The following OXR1 variants were observed in gnomAD, a reference collection of about 807,000 sequenced individuals.
OXR1 encodes oxidation resistance 1, also known as oxidation resistance protein 1.
OXR1 carries 41 observed loss-of-function variants against 104.6 expected under a neutral mutation model. That is an observed-to-expected ratio of 0.39 (90% CI 0.31 to 0.51). The LOEUF (loss-of-function observed/expected upper bound fraction) is 0.51, where lower values mean the gene tolerates loss of function less well. OXR1 is among the 20% of genes least tolerant of loss of function. The pLI is 0.77. For missense variants in OXR1, 955 were observed against 1,031.9 expected, an observed-to-expected ratio of 0.93 and a Z score of 1.02; for synonymous variants, 348 against 348.4, an observed-to-expected ratio of 1.00 and a Z score of 0.01.
intron 2 of OXR1, among the ~76,000 whole-genome samples, chr8:106,447,403 G>A (rs1368030577): frequency 3.9e-5 from 6 of 152,138 alleles, no homozygotes; most frequent in African/African-American, 1.4e-4. Context: ...GTTCTTACAG[G>A]ACAAAATTCA....
chr8:106,387,258 AG>A (rs1817414536), intron 2 of OXR1, among the ~76,000 whole-genome samples: 1 of 152,254 alleles, frequency 6.6e-6, no homozygotes, highest in African/African-American at 2.4e-5. Context: ...TGCAAATATC[AG>A]GGAATGCAGG....
At chr8:106,542,794 A>C (rs1020491246) in intron 3 of OXR1, among the ~76,000 whole-genome samples, 3 of 152,134 alleles carry the variant, frequency 2.0e-5, no homozygotes, top group African/African-American at 7.2e-5. Flanking sequence ...GAGAAGAAAA[A>C]AAATTAATAT....
rs771744976 is a variant in OXR1 at position 106,488,839 on chromosome 8, G to T, written c.24-30104G>T. On this transcript the variant is annotated intron_variant, in intron 2 of 16. Coordinates refer to ENST00000517566, the MANE Select transcript of OXR1 (RefSeq NM_001198533.2). ...TTGGTTACTGTAGCCTTGTAGTATA[G>T]TTTGAAGTCAGGTAGTGTGATACCT... Among the ~76,000 whole-genome samples the T allele has an allele frequency of 1.2e-3, 179 of 150,648 alleles. 1 individual carries two copies. The highest frequency in any genetic ancestry group is 4.2e-3 in the African/African-American group (169 of 40,694).
chr8:106,314,176 C>T (rs1383780682), intron 1 of OXR1, among the ~76,000 whole-genome samples: 1 of 152,064 alleles, frequency 6.6e-6, no homozygotes, highest in Admixed American at 6.6e-5. Flanking sequence ...TGCAGGGACC[C>T]TTTTTTCCTC....
At chr8:106,360,118 C>T (rs1235103354) in intron 2 of OXR1, among the ~76,000 whole-genome samples, 2 of 152,048 alleles carry the variant, frequency 1.3e-5, no homozygotes, top group African/African-American at 2.4e-5. Flanking sequence ...TATAGATGCA[C>T]ATCTCTAAAT....
intron 2 of OXR1, among the ~76,000 whole-genome samples, chr8:106,448,419 A>G (rs970687592): frequency 3.9e-5 from 6 of 152,212 alleles, no homozygotes; most frequent in African/African-American, 1.2e-4. Flanking sequence ...TGTTTGGTGT[A>G]AGCGGTTTTA....
At chr8:106,355,715 A>T (rs962630451) in intron 1 of OXR1, among the ~76,000 whole-genome samples, 3 of 151,232 alleles carry the variant, frequency 2.0e-5, no homozygotes, top group Admixed American at 1.3e-4. Context: ...TCTTTTTTTT[A>T]ATTTTTGGTG....
intron 6 of OXR1, among the ~76,000 whole-genome samples, chr8:106,684,836 GA>G (rs1828535419): frequency 6.6e-6 from 1 of 152,072 alleles, no homozygotes; most frequent in Non-Finnish European, 1.5e-5. Context: ...CATTTCTAAG[GA>G]ATGAGTGTTC....
intron 2 of OXR1, among the ~76,000 whole-genome samples, chr8:106,433,088 C>G (rs1427952593): frequency 6.6e-6 from 1 of 152,120 alleles, no homozygotes; most frequent in Admixed American, 6.6e-5. Context: ...GTGCGCGAGA[C>G]CGGAGTTTTA....
chr8:106,419,835 G>A (rs1271535235), intron 2 of OXR1, among the ~76,000 whole-genome samples: 1 of 152,088 alleles, frequency 6.6e-6, no homozygotes, highest in Non-Finnish European at 1.5e-5. Flanking sequence ...AAACACTATG[G>A]AAATCAACAT....
At chr8:106,428,803 A>G (rs902579213) in intron 2 of OXR1, among the ~76,000 whole-genome samples, 1 of 152,004 alleles carries the variant, frequency 6.6e-6, no homozygotes, top group African/African-American at 2.4e-5. Context: ...ACAACTTAGC[A>G]CGTACCGAGG....
chr8:106,358,095 C>T (rs187626966), intron 1 of OXR1, among the ~76,000 whole-genome samples: 37 of 152,298 alleles, frequency 2.4e-4, no homozygotes, highest in Non-Finnish European at 4.9e-4. Flanking sequence ...AGGAAGCATC[C>T]TTCTTTTCTT....
Position 106,332,626 on chromosome 8 carries a change from T to A in OXR1, c.-138-26850T>A, listed in dbSNP as rs186612589. On this transcript the variant is annotated intron_variant, in intron 1 of 16. Transcript: ENST00000517566. ...GAAATATAATATACATATCATAAAA[T>A]TCACCCTTATAAAGTGATTTCTTTA... Among the ~76,000 whole-genome samples, 1,241 of 152,250 alleles carry A rather than the reference T, an allele frequency of 8.2e-3. 4 individuals carry two copies. The highest frequency in any genetic ancestry group is 0.012 in the Non-Finnish European group (800 of 68,004).
intron 1 of OXR1, among the ~76,000 whole-genome samples, chr8:106,336,026 G>A (rs1814948623): frequency 6.6e-6 from 1 of 152,184 alleles, no homozygotes. Flanking sequence ...AACCCCGGAG[G>A]CAGAGGTTGC....
intron 1 of OXR1, among the ~76,000 whole-genome samples, chr8:106,335,987 T>C (rs1490173019): frequency 6.6e-6 from 1 of 152,028 alleles, no homozygotes; most frequent in Non-Finnish European, 1.5e-5. Context: ...GCCCAGCTAC[T>C]TGGGAGGCTG....
intron 3 of OXR1, among the ~76,000 whole-genome samples, chr8:106,606,718 C>T (rs1820427199): frequency 6.6e-6 from 1 of 152,096 alleles, no homozygotes; most frequent in Non-Finnish European, 1.5e-5. Context: ...TTTCCCATCT[C>T]ACAGTCAGCT....
At chr8:106,303,229 T>C (rs976032971) in intron 1 of OXR1, among the ~76,000 whole-genome samples, 10 of 149,922 alleles carry the variant, frequency 6.7e-5, no homozygotes, top group Admixed American at 6.0e-4. Context: ...GCCAGGAACT[T>C]GGCAATTTTT....
intron 3 of OXR1, among the ~76,000 whole-genome samples, chr8:106,601,670 A>G (rs1819979418): frequency 1.3e-5 from 2 of 152,204 alleles, no homozygotes; most frequent in South Asian, 4.1e-4. Context: ...CACAGTTCCC[A>G]AGATTCCCAT....
At chr8:106,673,327 T>C (rs1337762719) in intron 3 of OXR1, among the ~76,000 whole-genome samples, 1 of 152,108 alleles carries the variant, frequency 6.6e-6, no homozygotes, top group Non-Finnish European at 1.5e-5. Context: ...TAGAGATATA[T>C]AGAACGTGAG....
Sources: allele counts gnomAD v4.1 joint callset (sites outside exome capture counted in the v4.1 genomes callset), GRCh38; gene constraint gnomAD v4.1.1; transcripts MANE v1.5; gene names NCBI Gene and HGNC (gene_info 2026-07-23, HGNC 2026-07-21).